PSG2: variants seen among roughly 807,000 people sequenced by gnomAD.
The protein encoded by PSG2 is pregnancy-specific beta-1-glycoprotein 2.
A neutral mutation model predicts 36.2 loss-of-function variants in PSG2; 49 were observed. That is an observed-to-expected ratio of 1.35 (90% CI 1.08 to 1.72). The LOEUF is 1.72. Ranked by LOEUF, PSG2 falls within the 40% of genes most tolerant of loss-of-function variation. PSG2 has a pLI of 0.00. For synonymous variants in PSG2, 261 were observed against 155.6 expected (o/e 1.68, Z -5.04); for missense variants, 605 against 407.2 (o/e 1.49, Z -4.18).
intron 3 of PSG2, among the ~76,000 whole-genome samples, chr19:43,074,924 A>T (rs1178093383): frequency 6.8e-6 from 1 of 147,752 alleles, no homozygotes; most frequent in East Asian, 1.9e-4. Flanking sequence ...AATAGGTGTG[A>T]GGAAGAAATG....
intron 2 of PSG2, 104 bp from the exon 3 acceptor site, chr19:43,075,736 G>C (rs35869817): frequency 0.19 from 294,607 of 1,518,158 alleles, 32,327 homozygotes; most frequent in Non-Finnish European, 0.22. Context: ...GCCCACCCAA[G>C]TCCTTAAAAG....
At chr19:43,064,727 T>G in intron 5 of PSG2, 126 bp from the exon 6 acceptor site, 1 of 342,124 alleles carries the variant, frequency 2.9e-6, no homozygotes, top group Non-Finnish European at 5.7e-6. Flanking sequence ...GAATTTATTA[T>G]GGTAAAGACA....
At position 43,075,495 on chromosome 19, in the gene PSG2, T is replaced by A; in HGVS notation, c.568A>T (p.Thr190Ser). 6.2e-7 allele frequency: 1 copy of A among 1,613,098 alleles called. No individual in the cohort carries two copies. The highest frequency in any genetic ancestry group is 8.5e-7 in the Non-Finnish European group (1 of 1,179,684). Residue 190 changes from threonine to serine, a missense_variant, in exon 3 of 6, where the codon ACT (threonine) becomes TCT (serine). Coordinates refer to ENST00000406487, the MANE Select transcript of PSG2 (RefSeq NM_031246.4). ...WWMNGQSLPM[T>S]HRFQLSETNR... Reference sequence around the variant, plus strand: ...GTTTCGGACAGCTGAAACCTATGAGTCATAGGGAGGCTCTGACCATTCATC... The same window carrying A: ...GTTTCGGACAGCTGAAACCTATGAGACATAGGGAGGCTCTGACCATTCATC...
chr19:43,068,045 C>T (rs1054963217), intron 4 of PSG2, among the ~76,000 whole-genome samples: 1 of 151,188 alleles, frequency 6.6e-6, no homozygotes. Context: ...TTACTGAAAC[C>T]AAAAGTTGAT....
At position 43,071,375 on chromosome 19, in the gene PSG2, G is replaced by A. The variant is rs535323232; in HGVS notation, c.964+325C>T. ...AAAAAGACGTGGCAGAAGGGGATGT[G>A]TTAGTGACATCCAGAAGCAACTTGA... is the stretch of plus-strand genomic sequence containing the variant. On this transcript the variant is annotated intron_variant, in intron 4 of 5. Transcript: ENST00000406487. 3.3e-5 allele frequency among the ~76,000 whole-genome samples: 5 copies of A among 151,740 alleles called. No individual in the cohort carries two copies. The South Asian group carries it at 8.3e-4, about 25-fold the overall frequency.
chr19:43,072,903 C>T (rs1967839991), intron 3 of PSG2, among the ~76,000 whole-genome samples: 1 of 151,664 alleles, frequency 6.6e-6, no homozygotes, highest in African/African-American at 2.4e-5. Context: ...GGAGTCACAG[C>T]CCCAGTACCC....
chr19:43,075,076 C>T (rs150519560), intron 3 of PSG2, among the ~76,000 whole-genome samples: 3 of 151,794 alleles, frequency 2.0e-5, no homozygotes, highest in Non-Finnish European at 4.4e-5. Flanking sequence ...GCCAAATCCC[C>T]GCTGTGTTCA....
rs1255822075 is a variant in PSG2 at position 43,064,241 on chromosome 19, C to G, written c.*401G>C. ...GTGCAAATAGCTTTATTACCATAAA[C>G]ATATGAATACTCATGAATAGATTCC... On this transcript the variant is annotated 3_prime_UTR_variant, in exon 6 of 6. Coordinates refer to ENST00000406487, the MANE Select transcript of PSG2 (RefSeq NM_031246.4). The G allele has an allele frequency of 5.6e-6, 1 of 178,816 alleles. No individual in the cohort carries two copies. Among genetic ancestry groups the G allele is most frequent in the Non-Finnish European group, 1.2e-5 (1 of 84,908 alleles). The allele number at this position is 178,816 out of a possible 1,614,324, so 11.1% of individuals were successfully genotyped here.
intron 2 of PSG2, among the ~76,000 whole-genome samples, chr19:43,078,230 G>C (rs1244465893): frequency 6.6e-6 from 1 of 151,718 alleles, no homozygotes; most frequent in African/African-American, 2.4e-5. Context: ...AAGCAAGAAT[G>C]ATAATAGTTC....
Position 43,071,781 on chromosome 19 carries a change from GC to G in PSG2, c.882del (p.Lys294AsnfsTer23). On this transcript the variant is annotated frameshift_variant, in exon 4 of 6. Transcript: ENST00000406487. LOFTEE classifies it high-confidence loss of function. ...ACAGAGCAAACATAGAGCCCGCTAT[GC>G]TTTGTAGTAATTTGGGGGATAAACA... is the stretch of plus-strand genomic sequence containing the variant. ...QNLFIPQITT[K>X]HSGLYVCSVR... The G allele has an allele frequency of 6.2e-7, 1 of 1,612,728 alleles. No individual in the cohort carries two copies. Among genetic ancestry groups the G allele is most frequent in the Non-Finnish European group, 8.5e-7 (1 of 1,179,266 alleles).
chr19:43,081,119 G>T lies in PSG2; in HGVS notation c.192C>A (p.Gly64=). ...LVHNLPQNLT[G]YIWYKGQIRD... ...TGATTTGCCCTTTGTACCAGATGTAGCCAGTAAGATTCTGGGGCAAATTGT... is the reference window on the plus strand; with the variant it reads ...TGATTTGCCCTTTGTACCAGATGTATCCAGTAAGATTCTGGGGCAAATTGT... The change falls in exon 2 of 6, where the codon GGC becomes GGA. Residue 64 remains glycine (G), a synonymous_variant. Transcript: ENST00000406487. The T allele has an allele frequency of 6.2e-7, 1 of 1,612,848 alleles. No individual in the cohort carries two copies. The highest frequency in any genetic ancestry group is 2.2e-5 in the East Asian group (1 of 44,852).
chr19:43,072,455 A>G (rs1967833309), intron 3 of PSG2: 1 of 1,611,682 alleles, frequency 6.2e-7, no homozygotes, highest in Non-Finnish European at 8.5e-7. Flanking sequence ...GGGTAGAATG[A>G]GGATCCTGTT....
In PSG2 at chr19:43,075,494, GT is replaced by G. The variant is rs1205877337; in HGVS notation, c.568del (p.Thr190LeufsTer44). 2 of 1,613,080 alleles carry G rather than the reference GT, an allele frequency of 1.2e-6. No homozygotes were observed. Among genetic ancestry groups the G allele is most frequent in the East Asian group, 4.5e-5 (2 of 44,892 alleles). On this transcript the variant is annotated frameshift_variant, in exon 3 of 6. Coordinates refer to ENST00000406487, the MANE Select transcript of PSG2 (RefSeq NM_031246.4). LOFTEE classifies it high-confidence loss of function. Reference sequence around the variant, plus strand: ...GGTTTCGGACAGCTGAAACCTATGAGTCATAGGGAGGCTCTGACCATTCATC... The same window carrying G: ...GGTTTCGGACAGCTGAAACCTATGAGCATAGGGAGGCTCTGACCATTCATC... ...WWMNGQSLPM[T>X]HRFQLSETNR...
chr19:43,068,558 G>A (rs2122896167), intron 4 of PSG2, among the ~76,000 whole-genome samples: 1 of 151,366 alleles, frequency 6.6e-6, no homozygotes, highest in South Asian at 2.1e-4. Context: ...ATAATTGTAT[G>A]CCAATAAATT....
chr19:43,079,310 C>T (rs1341135541), intron 2 of PSG2, among the ~76,000 whole-genome samples: 1 of 151,288 alleles, frequency 6.6e-6, no homozygotes, highest in East Asian at 1.9e-4. Context: ...CCTCTGGTGG[C>T]CAAAGAGCTT....
At chr19:43,082,376 G>T (rs1484500207) in intron 1 of PSG2, 130 bp downstream of exon 1, 4 of 1,415,132 alleles carry the variant, frequency 2.8e-6, no homozygotes, top group South Asian at 1.2e-5. Flanking sequence ...TCCTGATCTC[G>T]TGATCCACCC....
In PSG2 at chr19:43,082,120, C is replaced by CTTT. The variant is rs1967986546; in HGVS notation, c.64+385_64+386insAAA. 69 of 90,842 alleles carry CTTT rather than the reference C, an allele frequency of 7.6e-4. 1 individual carries two copies. The highest frequency in any genetic ancestry group is 1.2e-3 in the Non-Finnish European group (54 of 45,158). The allele number at this position is 90,842 out of a possible 1,614,324, so 5.6% of individuals were successfully genotyped here. A position where few individuals can be genotyped will look rare whatever the true frequency, so the allele number is the denominator to read the frequency against. On this transcript the variant is annotated intron_variant, in intron 1 of 5. Transcript: ENST00000406487. ...TTCTTTCCTTTTATTTCTTTCTTCT[C>CTTT]TCTTTTTTTTTTTTTTTTTTTTTTT...
intron 4 of PSG2, among the ~76,000 whole-genome samples, chr19:43,066,820 T>G (rs1419686272): frequency 6.6e-6 from 1 of 151,434 alleles, no homozygotes; most frequent in Non-Finnish European, 1.5e-5. Flanking sequence ...AATTCTCTAC[T>G]GCACTCAGAT....
At position 43,081,150 on chromosome 19, in the gene PSG2, A is replaced by G; in HGVS notation, c.161T>C (p.Leu54Pro). The change falls in exon 2 of 6, where the codon CTT (leucine) becomes CCT (proline). Residue 54 changes from leucine to proline, a missense_variant. Transcript: ENST00000406487. The stretch of plus-strand genomic sequence containing the variant: ...AAGATTCTGGGGCAAATTGTGGACA[A>G]GTAGAAGAACATCCTTCCCCTCGGA... ...KVSEGKDVLL[L>P]VHNLPQNLTG... 2 of 1,612,860 alleles carry G rather than the reference A, an allele frequency of 1.2e-6. No individual in the cohort carries two copies. The highest frequency in any genetic ancestry group is 1.7e-6 in the Non-Finnish European group (2 of 1,179,666).
Sources: allele counts gnomAD v4.1 joint callset (sites outside exome capture counted in the v4.1 genomes callset), GRCh38; gene constraint gnomAD v4.1.1; transcripts MANE v1.5; gene names NCBI Gene and HGNC (gene_info 2026-07-23, HGNC 2026-07-21).